The following DNAH6 variants were observed in gnomAD, a reference collection of about 807,000 sequenced individuals.
DNAH6 encodes dynein axonemal heavy chain 6, also known as axonemal beta dynein heavy chain 6.
A neutral mutation model predicts 491.4 loss-of-function variants in DNAH6; 340 were observed. That is an observed-to-expected ratio of 0.69 (90% CI 0.63 to 0.76). DNAH6 has a LOEUF of 0.76. DNAH6 is among the 30% of genes least tolerant of loss of function. The pLI, the probability that DNAH6 is intolerant of heterozygous loss-of-function variation, is 0.00. For synonymous variants in DNAH6, 1,603 were observed against 1,686.1 expected, an observed-to-expected ratio of 0.95 and a Z score of 1.21; for missense variants, 4,443 against 4,972.2, an observed-to-expected ratio of 0.89 and a Z score of 3.20.
At chr2:84,704,872 G>A (rs975475110) in intron 51 of DNAH6, among the ~76,000 whole-genome samples, 1 of 152,062 alleles carries the variant, frequency 6.6e-6, no homozygotes, top group Admixed American at 6.6e-5. Flanking sequence ...GTAAAACTAG[G>A]CAAAGGGCTC....
At chr2:84,478,121 T>C in the DNAH6 span, among the ~76,000 whole-genome samples, 2 of 152,082 alleles carry the variant, frequency 1.3e-5, no homozygotes, top group Admixed American at 1.3e-4. Flanking sequence ...AGCAGAGGGA[T>C]TAGGGAGCTT....
intron 63 of DNAH6, among the ~76,000 whole-genome samples, chr2:84,760,755 AT>A (rs1172573329): frequency 1.3e-5 from 2 of 151,972 alleles, no homozygotes; most frequent in African/African-American, 2.4e-5. Flanking sequence ...ATTTAAAAAA[AT>A]TTTTTTTGAG....
chr2:84,728,628 G>GT (rs535749795), intron 61 of DNAH6, among the ~76,000 whole-genome samples: 13 of 152,178 alleles, frequency 8.5e-5, no homozygotes, highest in Non-Finnish European at 1.2e-4. Context: ...TTTAGCAATA[G>GT]TTTTTTTTAA....
intron 45 of DNAH6, among the ~76,000 whole-genome samples, chr2:84,692,159 G>C (rs1212312313): frequency 6.6e-6 from 1 of 152,154 alleles, no homozygotes; most frequent in Non-Finnish European, 1.5e-5. Context: ...GTAACTAACT[G>C]TTACAGTCTC....
intron 41 of DNAH6, among the ~76,000 whole-genome samples, chr2:84,678,655 C>G (rs984280080): frequency 6.6e-6 from 1 of 152,162 alleles, no homozygotes; most frequent in African/African-American, 2.4e-5. Context: ...CCCCAACTCT[C>G]AACCTCCTGT....
At chr2:84,759,613 T>A (rs1258682099) in intron 63 of DNAH6, among the ~76,000 whole-genome samples, 1 of 151,976 alleles carries the variant, frequency 6.6e-6, no homozygotes, top group Non-Finnish European at 1.5e-5. Flanking sequence ...AAAGAAATTG[T>A]GAATGACAGA....
At chr2:84,602,797 GTT>G (rs70949898) in intron 18 of DNAH6, among the ~76,000 whole-genome samples, 1 of 121,864 alleles carries the variant, frequency 8.2e-6, no homozygotes, top group Non-Finnish European at 1.6e-5. Context: ...TGGATGCTCT[GTT>G]TTTTTTTTTT....
chr2:84,482,059 C>G, the DNAH6 span, among the ~76,000 whole-genome samples: 1 of 152,180 alleles, frequency 6.6e-6, no homozygotes, highest in African/African-American at 2.4e-5. Flanking sequence ...CCTGCCTCTG[C>G]CTCTCCTGTG....
chr2:84,469,084 T>C, the DNAH6 span, among the ~76,000 whole-genome samples: 3 of 152,230 alleles, frequency 2.0e-5, no homozygotes, highest in Non-Finnish European at 4.4e-5. This position sits in a 1 kb window ranked among gnomAD's most constrained non-coding sequence, Gnocchi z 4.0. Context: ...GCACAAAATA[T>C]ACCAGCTTAA....
chr2:84,666,983 A>G (rs1040811084), intron 37 of DNAH6, among the ~76,000 whole-genome samples: 1 of 152,230 alleles, frequency 6.6e-6, no homozygotes, highest in African/African-American at 2.4e-5. Context: ...AACCTGAAAA[A>G]CAAGAAATGG....
intron 30 of DNAH6, 130 bp downstream of exon 30, chr2:84,634,771 T>A: frequency 8.6e-7 from 1 of 1,157,986 alleles, no homozygotes; most frequent in Non-Finnish European, 1.1e-6. Context: ...AAGGGGACCT[T>A]GGCTCTCCAG....
At chr2:84,730,946 G>A (rs1699069825) in intron 61 of DNAH6, among the ~76,000 whole-genome samples, 1 of 152,116 alleles carries the variant, frequency 6.6e-6, no homozygotes, top group African/African-American at 2.4e-5. Flanking sequence ...TGTAACACAG[G>A]GAAATGCCAC....
At chr2:84,688,765 G>C (rs1429847241) in intron 45 of DNAH6, among the ~76,000 whole-genome samples, 172 bp downstream of exon 45, 1 of 152,150 alleles carries the variant, frequency 6.6e-6, no homozygotes, top group Non-Finnish European at 1.5e-5. Flanking sequence ...AATATTTGTG[G>C]AATGAGCTTT....
chr2:84,513,697 A>T (rs1457465425), upstream of DNAH6, among the ~76,000 whole-genome samples: 2 of 151,844 alleles, frequency 1.3e-5, no homozygotes, highest in African/African-American at 4.8e-5. Context: ...TTTGGCTGAA[A>T]CTAACTTGTG....
At chr2:84,636,836 G>A (rs962191197) in intron 30 of DNAH6, among the ~76,000 whole-genome samples, 1 of 152,024 alleles carries the variant, frequency 6.6e-6, no homozygotes, top group Non-Finnish European at 1.5e-5. Context: ...CAAGGCTGCA[G>A]TGAGCTCTGA....
At chr2:84,530,162 T>C (rs1057334243) in intron 4 of DNAH6, among the ~76,000 whole-genome samples, 2 of 152,146 alleles carry the variant, frequency 1.3e-5, no homozygotes, top group African/African-American at 2.4e-5. Flanking sequence ...CTCATGGAAC[T>C]GACATTTTAG....
chr2:84,623,658 C>G (rs1236457159), intron 26 of DNAH6, among the ~76,000 whole-genome samples: 1 of 151,074 alleles, frequency 6.6e-6, no homozygotes, highest in Non-Finnish European at 1.5e-5. Flanking sequence ...AGAGGTGGTC[C>G]CTCATCAGGG....
Position 84,653,482 on chromosome 2 carries a change from G to A in DNAH6, c.5242G>A (p.Gly1748Ser), listed in dbSNP as rs1690655105. 2 of 1,551,262 alleles carry A rather than the reference G, an allele frequency of 1.3e-6. No individual in the cohort carries two copies. The highest frequency in any genetic ancestry group is 1.7e-4 in the Middle Eastern group (1 of 5,984). ...TTATGAAACTATGCTAGTAAGGCAT[G>A]GTGTTATGTTAGTCGGGCCAACAGG... ...QFYETMLVRH[G>S]VMLVGPTGGG... is the part of the protein sequence containing the mutation. The change falls in exon 34 of 77, where the codon GGT (glycine) becomes AGT (serine). Residue 1748 changes from glycine (G) to serine (S), a missense_variant. Physicochemically the swap from Gly to Ser is moderately conservative, Grantham distance 56. Around this residue, in one of 3 missense-constraint regions of DNAH6, gnomAD observed 2,977 missense variants for 3,296.6 expected, o/e 0.90. Coordinates refer to ENST00000389394, the MANE Select transcript of DNAH6 (RefSeq NM_001370.2).
At chr2:84,659,403 C>T (rs1691270950) in intron 37 of DNAH6, among the ~76,000 whole-genome samples, 1 of 152,128 alleles carries the variant, frequency 6.6e-6, no homozygotes, top group African/African-American at 2.4e-5. Context: ...AAACTCTCTA[C>T]TGTAAACAAA....
Sources: allele counts gnomAD v4.1 joint callset (sites outside exome capture counted in the v4.1 genomes callset), GRCh38; gene constraint gnomAD v4.1.1; regional missense constraint gnomAD v4.1.1; non-coding constraint Gnocchi (gnomAD v3.1); transcripts MANE v1.5; gene names NCBI Gene and HGNC (gene_info 2026-07-23, HGNC 2026-07-21).